Variants in GNG7 observed in about 807,000 individuals in gnomAD.
GNG7 encodes guanine nucleotide-binding protein G(I)/G(S)/G(O) subunit gamma-7.
GNG7 carries 1 observed loss-of-function variant against 4.0 expected under a neutral mutation model. The ratio of observed to expected loss-of-function variants is 0.25; its 90% CI spans 0.09 to 1.18. The LOEUF (loss-of-function observed/expected upper bound fraction) is 1.18, where lower values mean the gene tolerates loss of function less well. GNG7 is among the 50% of genes most tolerant of loss of function. The pLI is 0.50. For synonymous variants in GNG7, 34 were observed against 36.9 expected (o/e 0.92, Z 0.29); for missense variants, 86 against 91.9 (o/e 0.94, Z 0.26).
rs1425428123 is a variant in GNG7, at chr19:2,643,365, A to G, written c.-78+2859T>C. On this transcript the variant is annotated intron_variant, in intron 2 of 4. Transcript: ENST00000382159. Reference sequence around the variant, plus strand: ...GGCTCCGTCGGCACCGGAAATGCAAAGTCTGAGCCTCTCCGGGCTCTGCAC... The same window carrying G: ...GGCTCCGTCGGCACCGGAAATGCAAGGTCTGAGCCTCTCCGGGCTCTGCAC... 9.5e-6 allele frequency: 4 copies of G among 421,528 alleles called. No individual in the cohort carries two copies. The African/African-American group carries it at 1.0e-4, about 11-fold the overall frequency. 26.1% of individuals were successfully genotyped at this position (421,528 alleles called of 1,614,324 possible).
intron 2 of GNG7, among the ~76,000 whole-genome samples, chr19:2,578,885 TG>T (rs1249004966): frequency 6.6e-6 from 1 of 152,200 alleles, no homozygotes; most frequent in Non-Finnish European, 1.5e-5. Flanking sequence ...CTCAAACCCC[TG>T]GCTCCCGGCC....
chr19:2,524,183 C>A (rs754363696), intron 3 of GNG7, among the ~76,000 whole-genome samples: 3 of 152,232 alleles, frequency 2.0e-5, no homozygotes, highest in Non-Finnish European at 4.4e-5. Flanking sequence ...CCCTGCTGCC[C>A]TGGGCAGCCA....
rs143827736 is a variant in GNG7, at chr19:2,692,887, G to A, written c.-135+9759C>T. On this transcript the variant is annotated intron_variant, in intron 1 of 4. Coordinates refer to ENST00000382159, the MANE Select transcript of GNG7 (RefSeq NM_052847.3). ...TGTGGTCTTGGCCATCTGGGAGGCT[G>A]AGGCAGGAGGATCACTTGAACCTGG... 9.9e-5 allele frequency among the ~76,000 whole-genome samples: 15 copies of A among 151,946 alleles called. No homozygotes were observed. In the East Asian group the frequency reaches 2.7e-3, roughly 27 times the overall value.
At chr19:2,637,014 A>G (rs1437220060) in intron 2 of GNG7, among the ~76,000 whole-genome samples, 1 of 147,932 alleles carries the variant, frequency 6.8e-6, no homozygotes. Context: ...CTGCACCTCC[A>G]ACTCCACTTG....
At chr19:2,589,371 C>CT (rs33940288) in intron 2 of GNG7, among the ~76,000 whole-genome samples, 14,844 of 100,464 alleles carry the variant, frequency 0.15, 1,159 homozygotes, top group Non-Finnish European at 0.19. Flanking sequence ...TACAGGTGCA[C>CT]TTTTTTTTTT....
chr19:2,604,930 G>A (rs1010218110), intron 2 of GNG7, among the ~76,000 whole-genome samples: 1 of 152,184 alleles, frequency 6.6e-6, no homozygotes, highest in Non-Finnish European at 1.5e-5. Flanking sequence ...AGTCCTTTTG[G>A]CTGTCAGTAT....
chr19:2,659,450 C>G (rs899888445), intron 1 of GNG7, among the ~76,000 whole-genome samples: 6 of 150,736 alleles, frequency 4.0e-5, no homozygotes, highest in Non-Finnish European at 1.5e-5. Context: ...ATTAGCCAGG[C>G]ATGGTGGCAC....
At chr19:2,591,223 C>T (rs1021425361) in intron 2 of GNG7, among the ~76,000 whole-genome samples, 5 of 152,070 alleles carry the variant, frequency 3.3e-5, no homozygotes, top group African/African-American at 7.2e-5. Flanking sequence ...CTGTGTCAAC[C>T]GATGATGTGG....
chr19:2,534,381 C>G (rs1978676316), intron 3 of GNG7, among the ~76,000 whole-genome samples: 1 of 152,234 alleles, frequency 6.6e-6, no homozygotes, highest in Non-Finnish European at 1.5e-5. Context: ...TGTTCCTCCC[C>G]TACTCAGAAA....
chr19:2,541,632 C>T (rs2144748069), intron 3 of GNG7, among the ~76,000 whole-genome samples: 1 of 151,394 alleles, frequency 6.6e-6, no homozygotes, highest in East Asian at 2.0e-4. Flanking sequence ...ATCCCAGCTA[C>T]TCAGGAGGCT....
chr19:2,525,970 A>AGTTTTTTTTTTTTTTTTTTT (rs1568231777), intron 3 of GNG7, among the ~76,000 whole-genome samples: 1 of 26,782 alleles, frequency 3.7e-5, no homozygotes, highest in African/African-American at 2.9e-4. Context: ...CCTCCACGCC[A>AGTTTTTTTTTTTTTTTTTTT]ATTTTTTTTT....
chr19:2,649,086 A>C (rs1327824199), intron 1 of GNG7, among the ~76,000 whole-genome samples: 1 of 151,176 alleles, frequency 6.6e-6, no homozygotes, highest in East Asian at 1.9e-4. Flanking sequence ...GAATGTGCTT[A>C]ATTTGTGGGC....
chr19:2,574,136 C>A (rs978852341), intron 2 of GNG7, among the ~76,000 whole-genome samples: 2 of 152,180 alleles, frequency 1.3e-5, no homozygotes, highest in Non-Finnish European at 2.9e-5. Flanking sequence ...TGCCAGCCAC[C>A]CCCACCATCT....
chr19:2,661,282 GAA>G (rs1246303319), intron 1 of GNG7, among the ~76,000 whole-genome samples: 1 of 46,592 alleles, frequency 2.1e-5, no homozygotes, highest in Non-Finnish European at 3.9e-5. Flanking sequence ...AAGAAAGAAA[GAA>G]AGAAAGAAAG....
At chr19:2,628,410 T>C (rs897999613) in intron 2 of GNG7, among the ~76,000 whole-genome samples, 38 of 152,108 alleles carry the variant, frequency 2.5e-4, no homozygotes, top group Non-Finnish European at 2.2e-4. Flanking sequence ...TACTCTCAGG[T>C]GTCTGCCACA....
intron 2 of GNG7, among the ~76,000 whole-genome samples, chr19:2,567,984 C>T (rs557303991): frequency 6.6e-6 from 1 of 152,258 alleles, no homozygotes; most frequent in South Asian, 2.1e-4. Context: ...ATGCATCTCA[C>T]CAGGCACTCC....
chr19:2,637,403 G>A (rs1982345425), intron 2 of GNG7, among the ~76,000 whole-genome samples: 1 of 151,854 alleles, frequency 6.6e-6, no homozygotes, highest in South Asian at 2.1e-4. Context: ...CCCCGCAGGC[G>A]CCTGCACCCC....
At chr19:2,596,345 TGA>T (rs926843837) in intron 2 of GNG7, among the ~76,000 whole-genome samples, 6 of 144,232 alleles carry the variant, frequency 4.2e-5, no homozygotes. Context: ...GGCGACAGAG[TGA>T]GAGTCGGTCC....
rs544796370 is a variant in GNG7, at chr19:2,607,906, G to GACAGCGACACAGGGCAGCA, written c.-78+38299_-78+38317dup. The stretch of plus-strand genomic sequence containing the variant: ...CCCCAGGACAGCAATACGTTCAGGC[G>GACAGCGACACAGGGCAGCA]ACAGCGACACAGGGCAGCAACAGCG... On this transcript the variant is annotated intron_variant, in intron 2 of 4. Transcript: ENST00000382159. Among the ~76,000 whole-genome samples the GACAGCGACACAGGGCAGCA allele has an allele frequency of 2.2e-3, 335 of 152,220 alleles. 2 individuals carry two copies. The highest frequency in any genetic ancestry group is 7.8e-3 in the African/African-American group (322 of 41,534).
Sources: allele counts gnomAD v4.1 joint callset (sites outside exome capture counted in the v4.1 genomes callset), GRCh38; gene constraint gnomAD v4.1.1; transcripts MANE v1.5; gene names NCBI Gene and HGNC (gene_info 2026-07-23, HGNC 2026-07-21).